CNTN5: variants seen among roughly 807,000 people sequenced by gnomAD.
The protein encoded by CNTN5 is contactin-5.
A neutral mutation model predicts 129.1 loss-of-function variants in CNTN5; 77 were observed. That is an observed-to-expected ratio of 0.60 (90% CI 0.50 to 0.72). CNTN5 has a LOEUF of 0.72. Ranked by LOEUF, CNTN5 falls within the 30% of genes least tolerant of loss-of-function variation. The pLI is 0.00. For synonymous variants in CNTN5, 509 were observed against 465.6 expected (o/e 1.09, Z -1.20); for missense variants, 1,478 against 1,328.8 (o/e 1.11, Z -1.75).
chr11:99,246,098 G>A (rs2135775125), intron 1 of CNTN5, among the ~76,000 whole-genome samples: 2 of 152,220 alleles, frequency 1.3e-5, no homozygotes, highest in Admixed American at 1.3e-4. Flanking sequence ...CAACAATTTG[G>A]TTAAATATTA....
chr11:99,701,736 G>T (rs895980860), intron 3 of CNTN5, among the ~76,000 whole-genome samples: 2 of 150,824 alleles, frequency 1.3e-5, no homozygotes, highest in Admixed American at 6.6e-5. Context: ...TTTCAACTAA[G>T]AAAATAATTT....
chr11:99,988,785 T>C (rs1442992833), intron 8 of CNTN5, among the ~76,000 whole-genome samples: 2 of 152,150 alleles, frequency 1.3e-5, no homozygotes, highest in Non-Finnish European at 2.9e-5. Context: ...CACTCTTCAA[T>C]TGTCTTAGCC....
At chr11:100,262,835 T>C (rs1950229912) in intron 17 of CNTN5, among the ~76,000 whole-genome samples, 1 of 152,050 alleles carries the variant, frequency 6.6e-6, no homozygotes, top group African/African-American at 2.4e-5. Context: ...AAATACCTAA[T>C]GTAGATGACG....
At chr11:100,092,233 C>A (rs1944816509) in intron 13 of CNTN5, among the ~76,000 whole-genome samples, 1 of 152,022 alleles carries the variant, frequency 6.6e-6, no homozygotes. Context: ...AGTTTAAATT[C>A]TGATTATCTG....
intron 1 of CNTN5, among the ~76,000 whole-genome samples, chr11:99,155,747 A>C (rs1220276916): frequency 6.6e-6 from 1 of 152,202 alleles, no homozygotes; most frequent in Non-Finnish European, 1.5e-5. Flanking sequence ...GATGACAATA[A>C]CATTCAAGAA....
intron 8 of CNTN5, among the ~76,000 whole-genome samples, chr11:99,974,067 G>A (rs1937764936): frequency 6.6e-6 from 1 of 152,192 alleles, no homozygotes; most frequent in South Asian, 2.1e-4. Flanking sequence ...GTAGAGGAGA[G>A]ATAGCAAGCT....
chr11:99,725,762 T>C (rs1471063342), intron 3 of CNTN5, among the ~76,000 whole-genome samples: 2 of 152,164 alleles, frequency 1.3e-5, no homozygotes, highest in Non-Finnish European at 2.9e-5. Flanking sequence ...TTCAGGTCAT[T>C]AGTTGTGCCC....
chr11:99,124,730 G>GA (rs925491747), intron 1 of CNTN5, among the ~76,000 whole-genome samples: 8 of 150,374 alleles, frequency 5.3e-5, no homozygotes, highest in African/African-American at 9.8e-5. Context: ...AGTAATAAGG[G>GA]AAAAAAAAGA....
intron 6 of CNTN5, among the ~76,000 whole-genome samples, chr11:99,900,687 A>G (rs938596224): frequency 6.6e-6 from 1 of 152,160 alleles, no homozygotes; most frequent in African/African-American, 2.4e-5. Context: ...TGAAGAGGTC[A>G]AATGATTAGA....
chr11:100,022,568 TATAA>T (rs1941217219), intron 9 of CNTN5, among the ~76,000 whole-genome samples: 1 of 152,240 alleles, frequency 6.6e-6, no homozygotes, highest in Admixed American at 6.5e-5. Flanking sequence ...TTCAAAGAGA[TATAA>T]ATAATGAGAA....
chr11:99,867,893 A>T (rs1385144548), intron 6 of CNTN5, among the ~76,000 whole-genome samples: 2 of 152,166 alleles, frequency 1.3e-5, no homozygotes, highest in Non-Finnish European at 2.9e-5. Context: ...CAGATATGGT[A>T]TACAAGAGAC....
intron 2 of CNTN5, among the ~76,000 whole-genome samples, chr11:99,475,578 A>G (rs1945339242): frequency 6.6e-6 from 1 of 151,968 alleles, no homozygotes; most frequent in African/African-American, 2.4e-5. Context: ...CTCTTATCTT[A>G]TTCTCTGATT....
At chr11:99,597,514 GA>G (rs10715167) in intron 3 of CNTN5, among the ~76,000 whole-genome samples, 144,898 of 151,110 alleles carry the variant, frequency 0.96, 69,736 homozygotes, top group East Asian at 1. Context: ...GTTTAAGACT[GA>G]AAAAAAAAAA....
intron 15 of CNTN5, among the ~76,000 whole-genome samples, chr11:100,204,574 C>T (rs552058542): frequency 2.4e-4 from 37 of 151,168 alleles, no homozygotes; most frequent in Non-Finnish European, 4.3e-4. Context: ...CTCCCAGACT[C>T]AAGCCATCCT....
chr11:99,617,995 A>C (rs946186421), intron 3 of CNTN5, among the ~76,000 whole-genome samples: 4 of 152,178 alleles, frequency 2.6e-5, no homozygotes, highest in Admixed American at 6.5e-5. Flanking sequence ...ACAATAAAGT[A>C]CTCATAGAAC....
At chr11:99,120,234 C>G (rs559750724) in intron 1 of CNTN5, 2 of 152,192 alleles carry the variant, frequency 1.3e-5, no homozygotes, top group Non-Finnish European at 2.9e-5. Context: ...GTTGACCCCA[C>G]TGATCACCGT....
intron 3 of CNTN5, among the ~76,000 whole-genome samples, chr11:99,608,982 G>A (rs944264203): frequency 6.6e-6 from 1 of 152,108 alleles, no homozygotes; most frequent in Non-Finnish European, 1.5e-5. Flanking sequence ...CTTTCTCACT[G>A]ATAAATATGC....
chr11:100,075,318 T>C (rs1015828395), intron 13 of CNTN5, among the ~76,000 whole-genome samples: 4 of 152,130 alleles, frequency 2.6e-5, no homozygotes, highest in Non-Finnish European at 4.4e-5. Flanking sequence ...CTATGCTTCT[T>C]GGAAAGGGTG....
At position 99,556,214 on chromosome 11, in the gene CNTN5, G is replaced by T; in HGVS notation, c.-1G>T. On this transcript the variant is annotated 5_prime_UTR_variant, in exon 3 of 25. Coordinates refer to ENST00000524871, the MANE Select transcript of CNTN5 (RefSeq NM_014361.4). ...GACACAGAAGATTCTAGTGACTGAG[G>T]ATGGCTTCCTCTTGGAAACTAATGC... The T allele has an allele frequency of 6.6e-7, 1 of 1,511,606 alleles. No homozygotes were observed. The highest frequency in any genetic ancestry group is 8.9e-7 in the Non-Finnish European group (1 of 1,120,816). The allele number at this position is 1,511,606 out of a possible 1,614,324, so 93.6% of individuals were successfully genotyped here. A position where few individuals can be genotyped will look rare whatever the true frequency, so the allele number is the denominator to read the frequency against.
Sources: allele counts gnomAD v4.1 joint callset (sites outside exome capture counted in the v4.1 genomes callset), GRCh38; gene constraint gnomAD v4.1.1; transcripts MANE v1.5; gene names NCBI Gene and HGNC (gene_info 2026-07-23, HGNC 2026-07-21).